The following NFIX variants were observed in gnomAD, a reference collection of about 807,000 sequenced individuals.
The protein encoded by NFIX is nuclear factor I X, also known as nuclear factor 1 X-type.
Under a neutral mutation model 53.3 loss-of-function variants are expected in NFIX, and 2 were observed. The ratio of observed to expected loss-of-function variants is 0.04; its 90% CI spans 0.02 to 0.12. The LOEUF is 0.12. NFIX is among the 10% of genes least tolerant of loss of function. The pLI is 1.00. For synonymous variants in NFIX, 244 were observed against 289.0 expected (o/e 0.84, Z 1.58); for missense variants, 310 against 674.5 (o/e 0.46, Z 5.99).
intron 2 of NFIX, among the ~76,000 whole-genome samples, chr19:13,048,380 C>A (rs1568291191): frequency 6.6e-6 from 1 of 152,168 alleles, no homozygotes. Context: ...AGCACTTGAG[C>A]CCTCACAACC....
Position 13,009,642 on chromosome 19 carries a change from G to T in NFIX, c.27+13778G>T, listed in dbSNP as rs2012222480. ...AGGCTTCCTGATTCCCCGCTTAAGGGTGTTCAAACTGTCTGCCCCTGGCTG... is the reference window on the plus strand; with the variant it reads ...AGGCTTCCTGATTCCCCGCTTAAGGTTGTTCAAACTGTCTGCCCCTGGCTG... On this transcript the variant is annotated intron_variant, in intron 1 of 10. Transcript: ENST00000592199. The surrounding 1 kb of genome is among the most constrained non-coding windows in gnomAD (Gnocchi z 4.7). Among the ~76,000 whole-genome samples, 1 of 152,202 alleles carries T rather than the reference G, an allele frequency of 6.6e-6. No homozygotes were observed. Among genetic ancestry groups the T allele is most frequent in the Admixed American group, 6.5e-5 (1 of 15,290 alleles).
chr19:13,075,405 T>C, intron 5 of NFIX, 130 bp from the exon 6 acceptor site: 1 of 1,001,754 alleles, frequency 1.0e-6, no homozygotes, highest in Non-Finnish European at 1.5e-6. Context: ...TGCCCAGAAA[T>C]GCTGCTGTCG....
chr19:13,044,819 T>A (rs897964027), intron 2 of NFIX, among the ~76,000 whole-genome samples: 7 of 152,084 alleles, frequency 4.6e-5, no homozygotes, highest in African/African-American at 1.7e-4. Context: ...CTGAGCTGAG[T>A]GAGAGGCAAG....
chr19:13,090,171 C>A lies in NFIX; in HGVS notation c.1403-128C>A. On this transcript the variant is annotated intron_variant, in intron 9 of 10. Transcript: ENST00000592199. The surrounding 1 kb of genome is among the most constrained non-coding windows in gnomAD (Gnocchi z 6.6). Reference sequence around the variant, plus strand: ...ATGCCCCTCTGGCCCATCCTTCCCACTGCCAGCCTAAACTCGGGCAGCATG... The same window carrying A: ...ATGCCCCTCTGGCCCATCCTTCCCAATGCCAGCCTAAACTCGGGCAGCATG... 1.1e-6 allele frequency: 1 copy of A among 875,702 alleles called. No homozygotes were observed. Among genetic ancestry groups the A allele is most frequent in the Non-Finnish European group, 1.9e-6 (1 of 532,194 alleles). 54.2% of individuals were successfully genotyped at this position (875,702 alleles called of 1,614,324 possible).
intron 1 of NFIX, among the ~76,000 whole-genome samples, chr19:13,016,796 A>G (rs935550573): frequency 9.9e-5 from 15 of 152,148 alleles, no homozygotes; most frequent in African/African-American, 3.1e-4. Context: ...CAGGCCAGCA[A>G]TGAGGGGGAG....
At chr19:13,083,273 A>G (rs901714083) in intron 8 of NFIX, among the ~76,000 whole-genome samples, 1 of 152,106 alleles carries the variant, frequency 6.6e-6, no homozygotes, top group African/African-American at 2.4e-5. Context: ...CCCAGCCCCC[A>G]AGGGGCCTGG....
In NFIX at chr19:13,081,612, C is replaced by T. The variant is rs1599861835; in HGVS notation, c.1079-68C>T. On this transcript the variant is annotated intron_variant, in intron 7 of 10. Coordinates refer to ENST00000592199, the MANE Select transcript of NFIX (RefSeq NM_001365902.3). This position sits in a 1 kb window ranked among gnomAD's most constrained non-coding sequence, Gnocchi z 4.7. ...CCCTCTGACCGGCAGCTCCCCTCCT[C>T]TCCTGTCCCTCCCACTGGCTGCCTC... 2 of 1,533,108 alleles carry T rather than the reference C, an allele frequency of 1.3e-6. No homozygotes were observed. The highest frequency in any genetic ancestry group is 4.6e-5 in the East Asian group (2 of 43,198). The allele number at this position is 1,533,108 out of a possible 1,614,324, so 95.0% of individuals were successfully genotyped here. A position where few individuals can be genotyped will look rare whatever the true frequency, so the allele number is the denominator to read the frequency against.
chr19:13,002,434 G>A lies in NFIX; in HGVS notation c.27+6570G>A, dbSNP rs753787660. 1.2e-4 allele frequency among the ~76,000 whole-genome samples: 18 copies of A among 152,014 alleles called. No individual in the cohort carries two copies. Among genetic ancestry groups the A allele is most frequent in the Non-Finnish European group, 1.9e-4 (13 of 67,956 alleles). On this transcript the variant is annotated intron_variant, in intron 1 of 10. Coordinates refer to ENST00000592199, the MANE Select transcript of NFIX (RefSeq NM_001365902.3). The surrounding 1 kb of genome is among the most constrained non-coding windows in gnomAD (Gnocchi z 6.1). ...CCCCTCTGAGGGCGGGAGTGGCCTC[G>A]TGCAGGGGCCTGGGCCCCCTGAGTG...
rs2017249929 is a variant in NFIX, at chr19:13,078,499, A to G, written c.956-114A>G. 4.6e-6 allele frequency: 6 copies of G among 1,299,634 alleles called. No individual in the cohort carries two copies. The South Asian group carries it at 7.1e-5, about 15-fold the overall frequency. The allele number at this position is 1,299,634 out of a possible 1,614,324, so 80.5% of individuals were successfully genotyped here. ...CAGCAGGAGGGAGCACAGTGGAGGA[A>G]GGGGCAGTGGGGAGGGGCTGAGGAG... On this transcript the variant is annotated intron_variant, in intron 6 of 10. Coordinates refer to ENST00000592199, the MANE Select transcript of NFIX (RefSeq NM_001365902.3). This position sits in a 1 kb window ranked among gnomAD's most constrained non-coding sequence, Gnocchi z 4.7.
chr19:13,047,234 C>A (rs1290798071), intron 2 of NFIX, among the ~76,000 whole-genome samples: 1 of 151,636 alleles, frequency 6.6e-6, no homozygotes, highest in Non-Finnish European at 1.5e-5. Flanking sequence ...TTCTTTCTTT[C>A]TTTCTTTTTT....
chr19:13,066,275 C>T lies in NFIX; in HGVS notation c.560-6772C>T, dbSNP rs951104406. ...GTTGGAATGGAGAAAGTAGTTCTTC[C>T]TGGGGTCAGGGGATGGAGAGGGGAA... On this transcript the variant is annotated intron_variant, in intron 2 of 10. Transcript: ENST00000592199. This position sits in a 1 kb window ranked among gnomAD's most constrained non-coding sequence, Gnocchi z 4.2. Among the ~76,000 whole-genome samples, 10 of 152,158 alleles carry T rather than the reference C, an allele frequency of 6.6e-5. No homozygotes were observed. The highest frequency in any genetic ancestry group is 8.8e-5 in the Non-Finnish European group (6 of 68,004).
At position 13,097,469 on chromosome 19, in the gene NFIX, G is replaced by C. The variant is rs557649867; in HGVS notation, c.*2820G>C. The C allele has an allele frequency of 6.6e-6, 1 of 152,616 alleles. No homozygotes were observed. The highest frequency in any genetic ancestry group is 1.5e-5 in the Non-Finnish European group (1 of 68,018). The allele number at this position is 152,616 out of a possible 1,614,324, so 9.5% of individuals were successfully genotyped here. On this transcript the variant is annotated 3_prime_UTR_variant, in exon 11 of 11. Coordinates refer to ENST00000592199, the MANE Select transcript of NFIX (RefSeq NM_001365902.3). ...CACAAACTATTATACATAAGTTTAT[G>C]AATCAATTAAATATCCTGCACTTGT...
rs962916858 is a variant in NFIX, at chr19:13,040,144, G to T, written c.559+14592G>T. 1.3e-5 allele frequency among the ~76,000 whole-genome samples: 2 copies of T among 152,214 alleles called. No individual in the cohort carries two copies. The highest frequency in any genetic ancestry group is 4.8e-5 in the African/African-American group (2 of 41,452). On this transcript the variant is annotated intron_variant, in intron 2 of 10. Transcript: ENST00000592199. This position sits in a 1 kb window ranked among gnomAD's most constrained non-coding sequence, Gnocchi z 4.2. ...TTTATTTTATGTGAATGAGCTCTCAGGAAAATGGGGAAGGAGCAGCCTTCT... is the reference window on the plus strand; with the variant it reads ...TTTATTTTATGTGAATGAGCTCTCATGAAAATGGGGAAGGAGCAGCCTTCT...
At position 13,051,575 on chromosome 19, in the gene NFIX, C is replaced by T. The variant is rs990738916; in HGVS notation, c.560-21472C>T. ...CCAGTGAGCCAGATTTTTTTCCAAG[C>T]CTCAAGTCAGGCAGGTTCGGGGAGG... On this transcript the variant is annotated intron_variant, in intron 2 of 10. Coordinates refer to ENST00000592199, the MANE Select transcript of NFIX (RefSeq NM_001365902.3). This position sits in a 1 kb window ranked among gnomAD's most constrained non-coding sequence, Gnocchi z 5.1. 1.3e-5 allele frequency among the ~76,000 whole-genome samples: 2 copies of T among 152,176 alleles called. No homozygotes were observed. Among genetic ancestry groups the T allele is most frequent in the Admixed American group, 6.5e-5 (1 of 15,290 alleles).
In NFIX at chr19:12,995,766, G is replaced by C; in HGVS notation, c.-72G>C. On this transcript the variant is annotated 5_prime_UTR_variant, in exon 1 of 11. Transcript: ENST00000592199. ...AGGAGCCGAGCCGGAGCCCGAGCCCGAGCGCGGCCGCCGCCTGCCGGGCCT... is the reference window on the plus strand; with the variant it reads ...AGGAGCCGAGCCGGAGCCCGAGCCCCAGCGCGGCCGCCGCCTGCCGGGCCT... 1.5e-6 allele frequency: 1 copy of C among 663,654 alleles called. No individual in the cohort carries two copies. Among genetic ancestry groups the C allele is most frequent in the Non-Finnish European group, 1.9e-6 (1 of 540,050 alleles). 41.1% of individuals were successfully genotyped at this position (663,654 alleles called of 1,614,324 possible).
At position 13,081,777 on chromosome 19, in the gene NFIX, C is replaced by T; in HGVS notation, c.1176C>T (p.His392=). Reference sequence around the variant, plus strand: ...TCACGCACCCGACCATCCGCTACCACCACCACCACGGGCAGGACTCACTGA... The same window carrying T: ...TCACGCACCCGACCATCCGCTACCATCACCACCACGGGCAGGACTCACTGA... ...PYFTHPTIRY[H]HHHGQDSLKE... is the part of the protein sequence containing the mutation. Residue 392 remains histidine (H), a synonymous_variant, in exon 8 of 11, where the codon CAC becomes CAT. Transcript: ENST00000592199. The surrounding 1 kb of genome is among the most constrained non-coding windows in gnomAD (Gnocchi z 4.7). The T allele has an allele frequency of 6.2e-7, 1 of 1,614,038 alleles. No individual in the cohort carries two copies. The highest frequency in any genetic ancestry group is 8.5e-7 in the Non-Finnish European group (1 of 1,179,898).
Position 13,088,172 on chromosome 19 carries a change from G to A in NFIX, c.1402+36G>A, listed in dbSNP as rs1276508521. 6.5e-7 allele frequency: 1 copy of A among 1,535,714 alleles called. No homozygotes were observed. The highest frequency in any genetic ancestry group is 2.4e-5 in the East Asian group (1 of 40,892). On this transcript the variant is annotated intron_variant, in intron 9 of 10. Transcript: ENST00000592199. The surrounding 1 kb of genome is among the most constrained non-coding windows in gnomAD (Gnocchi z 5.9). The stretch of plus-strand genomic sequence containing the variant: ...GATGAAACCGAAACCACAACGCCCA[G>A]CGTCCCCGGCCCGTCCAAACAGTCT...
At position 13,006,066 on chromosome 19, in the gene NFIX, T is replaced by C. The variant is rs2011997597; in HGVS notation, c.27+10202T>C. Among the ~76,000 whole-genome samples, 1 of 152,112 alleles carries C rather than the reference T, an allele frequency of 6.6e-6. No individual in the cohort carries two copies. Among genetic ancestry groups the C allele is most frequent in the South Asian group, 2.1e-4 (1 of 4,838 alleles). On this transcript the variant is annotated intron_variant, in intron 1 of 10. Transcript: ENST00000592199. The surrounding 1 kb of genome is among the most constrained non-coding windows in gnomAD (Gnocchi z 5.6). Reference sequence around the variant, plus strand: ...CGGGGGCTCGGCAGGGAGCAAAATCTGCAAAGATGCCAGCCCCGGTGGGAG... The same window carrying C: ...CGGGGGCTCGGCAGGGAGCAAAATCCGCAAAGATGCCAGCCCCGGTGGGAG...
At position 13,028,512 on chromosome 19, in the gene NFIX, G is replaced by A. The variant is rs1226669875; in HGVS notation, c.559+2960G>A. ...TGAAGCTTCAAGAGATGACATGTTCGAGAGGGAATAAAGGACGTGTGTTTG... is the reference window on the plus strand; with the variant it reads ...TGAAGCTTCAAGAGATGACATGTTCAAGAGGGAATAAAGGACGTGTGTTTG... On this transcript the variant is annotated intron_variant, in intron 2 of 10. Transcript: ENST00000592199. The surrounding 1 kb of genome is among the most constrained non-coding windows in gnomAD (Gnocchi z 4.2). Among the ~76,000 whole-genome samples the A allele has an allele frequency of 1.3e-5, 2 of 152,162 alleles. No homozygotes were observed. Among genetic ancestry groups the A allele is most frequent in the South Asian group, 2.1e-4 (1 of 4,822 alleles).
Sources: gnomAD v4.1 joint callset for allele counts (sites outside exome capture counted in the v4.1 genomes callset) on GRCh38, gnomAD v4.1.1 for gene constraint, Gnocchi (gnomAD v3.1) non-coding constraint, MANE v1.5 for transcripts, NCBI Gene and HGNC (gene_info 2026-07-23, HGNC 2026-07-21) for gene names.